The following TIMP3 variants were observed in gnomAD, a reference collection of about 807,000 sequenced individuals.
TIMP3 encodes metalloproteinase inhibitor 3.
In TIMP3, 11 loss-of-function variants were observed where a neutral mutation model predicts 30.0. The ratio of observed to expected loss-of-function variants is 0.37; its 90% CI spans 0.23 to 0.61. TIMP3 has a LOEUF of 0.61. TIMP3 is among the 20% of genes least tolerant of loss of function. TIMP3 has a pLI of 0.70. For synonymous variants in TIMP3, 112 were observed against 111.3 expected, an observed-to-expected ratio of 1.01 and a Z score of -0.04; for missense variants, 181 against 276.8, an observed-to-expected ratio of 0.65 and a Z score of 2.45.
Position 32,801,945 on chromosome 22 carries a change from C to T in TIMP3, c.-57C>T. On this transcript the variant is annotated 5_prime_UTR_variant, in exon 1 of 5. Transcript: ENST00000266085. The surrounding 1 kb of genome is among the most constrained non-coding windows in gnomAD (Gnocchi z 4.7). The stretch of plus-strand genomic sequence containing the variant: ...GGCTGCAGCAGCCCCGCCGGCGGCG[C>T]GCACGGCAACTTTGGAGAGGCGAGC... The T allele has an allele frequency of 1.9e-6, 3 of 1,540,710 alleles. No individual in the cohort carries two copies. The highest frequency in any genetic ancestry group is 8.7e-7 in the Non-Finnish European group (1 of 1,152,890).
intron 1 of TIMP3, among the ~76,000 whole-genome samples, chr22:32,822,535 TCTTA>T (rs2047279831): frequency 6.6e-6 from 1 of 152,248 alleles, no homozygotes; most frequent in South Asian, 2.1e-4. Context: ...TAACTAGCAA[TCTTA>T]CTTCTAGAAA....
chr22:32,838,049 T>A (rs2047785371), intron 1 of TIMP3, among the ~76,000 whole-genome samples: 1 of 152,226 alleles, frequency 6.6e-6, no homozygotes, highest in South Asian at 2.1e-4. Context: ...GTCTGCTGCA[T>A]GCTCCTGTGG....
At chr22:32,848,626 G>C (rs1187708297) in intron 1 of TIMP3, among the ~76,000 whole-genome samples, 3 of 152,162 alleles carry the variant, frequency 2.0e-5, no homozygotes, top group South Asian at 2.1e-4. Context: ...TATTTGTCTA[G>C]TGCAAACTAT....
Position 32,837,016 on chromosome 22 carries a change from G to A in TIMP3, c.122-12436G>A, listed in dbSNP as rs1353459956. ...GCGTGCAAAGGAGGGTGGTTCTTTG[G>A]CTAATGGTGGACTTGCTCCTAGGCC... On this transcript the variant is annotated intron_variant, in intron 1 of 4. Coordinates refer to ENST00000266085, the MANE Select transcript of TIMP3 (RefSeq NM_000362.5). The surrounding 1 kb of genome is among the most constrained non-coding windows in gnomAD (Gnocchi z 4.1). 6.6e-6 allele frequency among the ~76,000 whole-genome samples: 1 copy of A among 152,150 alleles called. No homozygotes were observed. Among genetic ancestry groups the A allele is most frequent in the Non-Finnish European group, 1.5e-5 (1 of 68,026 alleles).
chr22:32,855,615 G>A (rs775514541), intron 2 of TIMP3, among the ~76,000 whole-genome samples: 2 of 152,128 alleles, frequency 1.3e-5, no homozygotes, highest in African/African-American at 2.4e-5. Context: ...ATGGTGATTC[G>A]TGGGCTAATA....
At chr22:32,825,225 AT>A (rs1226612014) in intron 1 of TIMP3, among the ~76,000 whole-genome samples, 2 of 152,166 alleles carry the variant, frequency 1.3e-5, no homozygotes, top group Non-Finnish European at 2.9e-5. Flanking sequence ...TGAATGCTGC[AT>A]GTAGAGGTCT....
At chr22:32,844,703 T>C (rs1316807316) in intron 1 of TIMP3, among the ~76,000 whole-genome samples, 1 of 151,836 alleles carries the variant, frequency 6.6e-6, no homozygotes, top group Admixed American at 6.6e-5. Flanking sequence ...TCCTTGTTTC[T>C]TCTTCTTCCT....
chr22:32,802,767 T>C (rs1307268225), intron 1 of TIMP3, among the ~76,000 whole-genome samples: 4 of 152,128 alleles, frequency 2.6e-5, no homozygotes, highest in African/African-American at 9.7e-5. Flanking sequence ...AGAGTGTTGA[T>C]AGCCAGCAGA....
chr22:32,810,261 A>G (rs2046881262), intron 1 of TIMP3, among the ~76,000 whole-genome samples: 1 of 152,186 alleles, frequency 6.6e-6, no homozygotes, highest in African/African-American at 2.4e-5. Flanking sequence ...TTTAGAGGCC[A>G]TCTGTGTGGC....
intron 2 of TIMP3, among the ~76,000 whole-genome samples, chr22:32,853,973 T>C (rs1362725055): frequency 6.6e-6 from 1 of 152,212 alleles, no homozygotes; most frequent in Non-Finnish European, 1.5e-5. Flanking sequence ...CTGATCTCCA[T>C]GGCATTGGTT....
At chr22:32,803,878 T>C (rs897656072) in intron 1 of TIMP3, among the ~76,000 whole-genome samples, 2 of 152,188 alleles carry the variant, frequency 1.3e-5, no homozygotes, top group Non-Finnish European at 2.9e-5. Flanking sequence ...GTCCCCATTC[T>C]TCCCCCTTGC....
chr22:32,852,901 C>T (rs749886155), intron 2 of TIMP3, among the ~76,000 whole-genome samples: 2 of 152,170 alleles, frequency 1.3e-5, no homozygotes, highest in Non-Finnish European at 2.9e-5. Context: ...AGAAACCGAT[C>T]CACTGTGCCA....
At chr22:32,855,456 G>A (rs937374854) in intron 2 of TIMP3, among the ~76,000 whole-genome samples, 1 of 152,218 alleles carries the variant, frequency 6.6e-6, no homozygotes, top group East Asian at 1.9e-4. Flanking sequence ...ATGGGTAAGA[G>A]TATGGACTCT....
intron 2 of TIMP3, among the ~76,000 whole-genome samples, chr22:32,852,768 G>C (rs1328332559): frequency 6.6e-6 from 1 of 152,214 alleles, no homozygotes; most frequent in Non-Finnish European, 1.5e-5. Flanking sequence ...CAGGGTGTTA[G>C]AATGTTGAGA....
intron 1 of TIMP3, among the ~76,000 whole-genome samples, chr22:32,821,159 A>G (rs1174607324): frequency 6.6e-6 from 1 of 152,222 alleles, no homozygotes; most frequent in Non-Finnish European, 1.5e-5. Flanking sequence ...CAAAAAAAGC[A>G]GAGATGGAAT....
At chr22:32,829,071 C>T (rs2047495782) in intron 1 of TIMP3, among the ~76,000 whole-genome samples, 1 of 152,192 alleles carries the variant, frequency 6.6e-6, no homozygotes, top group East Asian at 1.9e-4. Context: ...CCAGCTGAAA[C>T]TGGCACCATT....
chr22:32,825,209 T>A (rs1019692126), intron 1 of TIMP3, among the ~76,000 whole-genome samples: 2 of 152,142 alleles, frequency 1.3e-5, no homozygotes, highest in African/African-American at 4.8e-5. Flanking sequence ...GCTTCCTTAG[T>A]TATACTGAAT....
chr22:32,807,199 A>G (rs1452800065), intron 1 of TIMP3, among the ~76,000 whole-genome samples: 3 of 148,736 alleles, frequency 2.0e-5, no homozygotes, highest in Admixed American at 6.8e-5. Context: ...GAGTCTTGGA[A>G]CCTTGAAATG....
chr22:32,843,605 C>G (rs976392963), intron 1 of TIMP3, among the ~76,000 whole-genome samples: 4 of 152,270 alleles, frequency 2.6e-5, no homozygotes, highest in African/African-American at 9.6e-5. Flanking sequence ...TGACAGGGAT[C>G]CCTCTTTCCT....
Sources: allele counts gnomAD v4.1 joint callset (sites outside exome capture counted in the v4.1 genomes callset), GRCh38; gene constraint gnomAD v4.1.1; non-coding constraint Gnocchi (gnomAD v3.1); transcripts MANE v1.5; gene names NCBI Gene and HGNC (gene_info 2026-07-23, HGNC 2026-07-21).